ADNP2: variants seen among roughly 807,000 people sequenced by gnomAD.
The protein encoded by ADNP2 is activity-dependent neuroprotector homeobox protein 2.
In ADNP2, 8 loss-of-function variants were observed where a neutral mutation model predicts 16.4. The ratio of observed to expected loss-of-function variants is 0.49; its 90% CI spans 0.29 to 0.88. The LOEUF is 0.88. ADNP2 is among the 40% of genes least tolerant of loss of function. ADNP2 has a pLI of 0.09. For missense variants in ADNP2, 1,397 were observed against 1,395.1 expected (o/e 1.00, Z -0.02); for synonymous variants, 637 against 545.8 (o/e 1.17, Z -2.33).
intron 2 of ADNP2, among the ~76,000 whole-genome samples, chr18:80,119,772 A>G (rs1479173733): frequency 6.6e-6 from 1 of 152,240 alleles, no homozygotes; most frequent in Non-Finnish European, 1.5e-5. Flanking sequence ...CTGATCAGAA[A>G]TTAACATTGG....
At chr18:80,119,435 C>T (rs1487257148) in intron 2 of ADNP2, among the ~76,000 whole-genome samples, 1 of 147,260 alleles carries the variant, frequency 6.8e-6, no homozygotes, top group Non-Finnish European at 1.5e-5. Context: ...AAAAAAAAAT[C>T]CAAGCTGACT....
chr18:80,123,405 CT>C (rs1486331551), intron 2 of ADNP2, among the ~76,000 whole-genome samples: 2 of 151,562 alleles, frequency 1.3e-5, no homozygotes, highest in South Asian at 4.2e-4. Flanking sequence ...GAGTTGCGTT[CT>C]TATTGCCCAG....
At chr18:80,133,055 T>C in intron 2 of ADNP2, 48 bp from the exon 3 acceptor site, 1 of 1,308,812 alleles carries the variant, frequency 7.6e-7, no homozygotes, top group South Asian at 1.2e-5. Context: ...AAATATTTCT[T>C]TATCTTCTGA....
Position 80,137,080 on chromosome 18 carries a change from T to C in ADNP2, c.1667T>C (p.Val556Ala), listed in dbSNP as rs756114067. 1 of 1,614,016 alleles carries C rather than the reference T, an allele frequency of 6.2e-7. No homozygotes were observed. Among genetic ancestry groups the C allele is most frequent in the East Asian group, 2.2e-5 (1 of 44,898 alleles). ...SQPVVSGVLP[V>A]GQPVRPGVLQ... is the part of the protein sequence containing the mutation. ...CCTGTTGTGTCGGGAGTTCTTCCTG[T>C]GGGCCAGCCAGTGAGGCCTGGGGTC... Residue 556 changes from valine (V) to alanine (A), a missense_variant, in exon 4 of 4, where the codon GTG (valine) becomes GCG (alanine). Val to Ala is a moderately conservative substitution (Grantham distance 64). This residue lies in a region of ADNP2 where 777 missense variants were observed against 719.4 expected (regional missense o/e 1.08). Coordinates refer to ENST00000262198, the MANE Select transcript of ADNP2 (RefSeq NM_014913.4). This position sits in a 1 kb window ranked among gnomAD's most constrained non-coding sequence, Gnocchi z 4.2.
At chr18:80,122,857 A>C (rs1158608713) in intron 2 of ADNP2, among the ~76,000 whole-genome samples, 1 of 152,216 alleles carries the variant, frequency 6.6e-6, no homozygotes, top group African/African-American at 2.4e-5. Flanking sequence ...TTGTGGCAGC[A>C]ATGAAAGTGG....
intron 2 of ADNP2, among the ~76,000 whole-genome samples, chr18:80,119,795 C>T (rs1458814837): frequency 2.0e-5 from 3 of 152,174 alleles, no homozygotes; most frequent in Non-Finnish European, 4.4e-5. Context: ...CTGGGATGGG[C>T]GAGGGACCCT....
In ADNP2 at chr18:80,124,698, C is replaced by T. The variant is rs571966308; in HGVS notation, c.108+7048C>T. On this transcript the variant is annotated intron_variant, in intron 2 of 3. Coordinates refer to ENST00000262198, the MANE Select transcript of ADNP2 (RefSeq NM_014913.4). Reference sequence around the variant, plus strand: ...CCTGCCCTGGAAGTTAGCTGAAAGTCCCCCACCCTCTAAACTTGCCTTGGT... The same window carrying T: ...CCTGCCCTGGAAGTTAGCTGAAAGTTCCCCACCCTCTAAACTTGCCTTGGT... Among the ~76,000 whole-genome samples, 21 of 152,258 alleles carry T rather than the reference C, an allele frequency of 1.4e-4. No individual in the cohort carries two copies. The South Asian group carries it at 3.3e-3, about 24-fold the overall frequency.
intron 2 of ADNP2, among the ~76,000 whole-genome samples, chr18:80,122,393 T>G (rs1246956813): frequency 6.6e-6 from 1 of 152,216 alleles, no homozygotes; most frequent in Non-Finnish European, 1.5e-5. Flanking sequence ...AGAAGACTCT[T>G]AGAACTTTGA....
intron 2 of ADNP2, among the ~76,000 whole-genome samples, chr18:80,123,263 G>T (rs1485404315): frequency 1.3e-5 from 2 of 152,152 alleles, no homozygotes; most frequent in Admixed American, 1.3e-4. Flanking sequence ...TGTTCATAAG[G>T]AATATTGGTT....
At chr18:80,127,342 T>TTTG (rs2052466403) in intron 2 of ADNP2, among the ~76,000 whole-genome samples, 1 of 149,290 alleles carries the variant, frequency 6.7e-6, no homozygotes, top group Non-Finnish European at 1.5e-5. Flanking sequence ...TTTTTCAGTT[T>TTTG]TTTTTTTTTT....
At chr18:80,121,250 A>G (rs2052423061) in intron 2 of ADNP2, among the ~76,000 whole-genome samples, 1 of 151,578 alleles carries the variant, frequency 6.6e-6, no homozygotes, top group African/African-American at 2.4e-5. Flanking sequence ...AATAGTGTAA[A>G]GTGGAATCTC....
Position 80,137,795 on chromosome 18 carries a change from G to C in ADNP2, c.2382G>C (p.Leu794=), listed in dbSNP as rs745594318. ...GLSEHSRNRH[L]GKKKLPMDYS... ...CAGAGCACAGCAGGAATAGGCACCT[G>C]GGGAAGAAGAAGTTGCCTATGGATT... Residue 794 remains leucine (L), a synonymous_variant, in exon 4 of 4, where the codon CTG becomes CTC. Coordinates refer to ENST00000262198, the MANE Select transcript of ADNP2 (RefSeq NM_014913.4). This position sits in a 1 kb window ranked among gnomAD's most constrained non-coding sequence, Gnocchi z 4.2. 9 of 1,614,176 alleles carry C rather than the reference G, an allele frequency of 5.6e-6. No homozygotes were observed. Among genetic ancestry groups the C allele is most frequent in the Non-Finnish European group, 7.6e-6 (9 of 1,180,028 alleles).
intron 2 of ADNP2, among the ~76,000 whole-genome samples, chr18:80,127,408 AT>A (rs1301408866): frequency 8.3e-6 from 1 of 120,552 alleles, no homozygotes; most frequent in Non-Finnish European, 1.7e-5. Flanking sequence ...TTATCTTCAG[AT>A]TTACCAGTCT....
chr18:80,128,799 T>C (rs907906906), intron 2 of ADNP2, among the ~76,000 whole-genome samples: 2 of 152,196 alleles, frequency 1.3e-5, no homozygotes, highest in Admixed American at 6.5e-5. Flanking sequence ...TTTTTTAAAG[T>C]AATCATTGTT....
chr18:80,135,614 A>T lies in ADNP2; in HGVS notation c.201A>T (p.Arg67Ser). 6 of 1,606,718 alleles carry T rather than the reference A, an allele frequency of 3.7e-6. No individual in the cohort carries two copies. The highest frequency in any genetic ancestry group is 5.1e-6 in the Non-Finnish European group (6 of 1,175,714). ...SLWEPSGKKV[R>S]YRTKPYCCGL... ...AAGGCTTTCTTTTCTTTTAACAGAG[A>T]TATCGAACAAAGCCATACTGTTGTG... Residue 67 changes from arginine to serine, a missense_variant and splice_region_variant, in exon 4 of 4, where the codon AGA becomes AGT. By Grantham distance (110) the Arg-to-Ser change is moderately radical. Transcript: ENST00000262198.
At chr18:80,133,079 CT>C (rs751676000) in intron 2 of ADNP2, 23 bp from the exon 3 acceptor site, 27 of 1,466,062 alleles carry the variant, frequency 1.8e-5, no homozygotes, top group Admixed American at 5.6e-5. Context: ...TACATAATCT[CT>C]TTTTTTTCTC....
chr18:80,129,355 A>C (rs1210768979), intron 2 of ADNP2, among the ~76,000 whole-genome samples: 1 of 152,056 alleles, frequency 6.6e-6, no homozygotes, highest in Non-Finnish European at 1.5e-5. Flanking sequence ...CAGCCACCTC[A>C]GCCTCCCAAA....
At position 80,136,979 on chromosome 18, in the gene ADNP2, C is replaced by T. The variant is rs1309369721; in HGVS notation, c.1566C>T (p.Pro522=). The stretch of plus-strand genomic sequence containing the variant: ...TGGTCCCGTCTGGGCTTCTTTCTCC[C>T]AACCAGACAGTCTCCTCCTCAGCTG... ...GQVVPSGLLS[P]NQTVSSSAVV... The change falls in exon 4 of 4, where the codon CCC becomes CCT. Residue 522 remains proline, a synonymous_variant. Transcript: ENST00000262198. The T allele has an allele frequency of 8.1e-6, 13 of 1,613,890 alleles. No individual in the cohort carries two copies. Among genetic ancestry groups the T allele is most frequent in the Non-Finnish European group, 1.1e-5 (13 of 1,179,834 alleles).
rs1459857704 is a variant in ADNP2, at chr18:80,124,730, C to A, written c.108+7080C>A. On this transcript the variant is annotated intron_variant, in intron 2 of 3. Transcript: ENST00000262198. The stretch of plus-strand genomic sequence containing the variant: ...CCTCTAAACTTGCCTTGGTGATAAG[C>A]CCCCATCCTGAAGCTACCTAGGGGC... Among the ~76,000 whole-genome samples the A allele has an allele frequency of 2.0e-5, 3 of 152,164 alleles. 1 individual carries two copies. In the East Asian group the frequency reaches 5.8e-4, roughly 29 times the overall value.
Sources: allele counts gnomAD v4.1 joint callset (sites outside exome capture counted in the v4.1 genomes callset), GRCh38; gene constraint gnomAD v4.1.1; regional missense constraint gnomAD v4.1.1; non-coding constraint Gnocchi (gnomAD v3.1); transcripts MANE v1.5; gene names NCBI Gene and HGNC (gene_info 2026-07-23, HGNC 2026-07-21).